Variants in FHIT observed in about 807,000 individuals in gnomAD.
FHIT encodes bis(5'-adenosyl)-triphosphatase.
A neutral mutation model predicts 17.9 loss-of-function variants in FHIT; 19 were observed. The ratio of observed to expected loss-of-function variants is 1.06; its 90% CI spans 0.74 to 1.56. FHIT has a LOEUF of 1.56. Ranked by LOEUF, FHIT falls within the 40% of genes most tolerant of loss-of-function variation. The pLI, the probability that FHIT is intolerant of heterozygous loss-of-function variation, is 0.00. For synonymous variants in FHIT, 81 were observed against 69.7 expected (o/e 1.16, Z -0.81); for missense variants, 248 against 189.2 (o/e 1.31, Z -1.82).
chr3:60,240,585 G>T (rs1052652304), intron 5 of FHIT, among the ~76,000 whole-genome samples: 1 of 152,166 alleles, frequency 6.6e-6, no homozygotes, highest in Non-Finnish European at 1.5e-5. Context: ...CTTTGCCTTG[G>T]TCCAAATATA....
intron 4 of FHIT, among the ~76,000 whole-genome samples, chr3:60,546,145 A>G (rs937937900): frequency 2.6e-5 from 4 of 152,132 alleles, no homozygotes; most frequent in African/African-American, 9.7e-5. Context: ...TCTATCCATT[A>G]AAGAATCTGC....
At chr3:60,289,635 G>C (rs1239683207) in intron 5 of FHIT, among the ~76,000 whole-genome samples, 1 of 152,160 alleles carries the variant, frequency 6.6e-6, no homozygotes, top group East Asian at 1.9e-4. Context: ...TGAGATTCCT[G>C]TGAACTTATT....
intron 2 of FHIT, among the ~76,000 whole-genome samples, chr3:61,194,243 T>A (rs1034379667): frequency 6.6e-6 from 1 of 152,128 alleles, no homozygotes; most frequent in Non-Finnish European, 1.5e-5. Flanking sequence ...ATGACCCACC[T>A]TAGGGAAGAG....
intron 4 of FHIT, among the ~76,000 whole-genome samples, chr3:60,700,156 A>G (rs1553701767): frequency 6.6e-6 from 1 of 151,494 alleles, no homozygotes; most frequent in Non-Finnish European, 1.5e-5. Flanking sequence ...ATACACAGGT[A>G]TGTATGTATG....
chr3:61,070,366 C>T (rs7651235), intron 2 of FHIT, among the ~76,000 whole-genome samples: 15,936 of 152,174 alleles, frequency 0.1, 2,511 homozygotes, highest in African/African-American at 0.34. Flanking sequence ...GGAAATGAAG[C>T]TCAGAGAAGA....
At chr3:60,403,615 G>T (rs1701745087) in intron 5 of FHIT, among the ~76,000 whole-genome samples, 1 of 152,084 alleles carries the variant, frequency 6.6e-6, no homozygotes. Context: ...TAGGTCATTA[G>T]ACCCCCATTC....
intron 5 of FHIT, among the ~76,000 whole-genome samples, chr3:60,170,982 G>C (rs1158586018): frequency 6.6e-6 from 1 of 152,104 alleles, no homozygotes; most frequent in Non-Finnish European, 1.5e-5. Context: ...CAACTTATTG[G>C]GGAGAACTGG....
intron 8 of FHIT, among the ~76,000 whole-genome samples, chr3:59,888,692 C>T (rs937101795): frequency 1.3e-5 from 2 of 152,138 alleles, no homozygotes; most frequent in African/African-American, 4.8e-5. Flanking sequence ...AGTCTCCATA[C>T]CACCAGTGAT....
chr3:60,416,749 G>A (rs188225887), intron 5 of FHIT, among the ~76,000 whole-genome samples: 3 of 152,222 alleles, frequency 2.0e-5, no homozygotes, highest in African/African-American at 7.2e-5. Context: ...ACCTACTCAT[G>A]TGCACAAGGA....
intron 8 of FHIT, among the ~76,000 whole-genome samples, chr3:59,833,409 C>T (rs1331944693): frequency 1.3e-5 from 2 of 152,100 alleles, no homozygotes; most frequent in African/African-American, 4.8e-5. Flanking sequence ...TGGAGTGATG[C>T]AGCTACAAGC....
intron 5 of FHIT, among the ~76,000 whole-genome samples, chr3:60,443,853 A>G (rs537147388): frequency 6.6e-6 from 1 of 152,318 alleles, no homozygotes; most frequent in African/African-American, 2.4e-5. Context: ...GGATCCAATT[A>G]AACTAAAGAG....
intron 3 of FHIT, among the ~76,000 whole-genome samples, chr3:60,921,021 A>C (rs1202541251): frequency 2.6e-5 from 4 of 152,216 alleles, no homozygotes; most frequent in African/African-American, 9.6e-5. Flanking sequence ...TAACTCACTC[A>C]TTCCGTAAGA....
intron 5 of FHIT, among the ~76,000 whole-genome samples, chr3:60,308,916 A>G (rs1005149093): frequency 3.5e-4 from 53 of 152,218 alleles, no homozygotes; most frequent in African/African-American, 1.2e-3. Context: ...ATATACTGTT[A>G]TCCACAGCTG....
chr3:59,815,293 A>AT (rs1700558818), intron 8 of FHIT, among the ~76,000 whole-genome samples: 1 of 152,196 alleles, frequency 6.6e-6, no homozygotes, highest in Non-Finnish European at 1.5e-5. Context: ...AATGTCAACT[A>AT]GTACAACCAC....
intron 8 of FHIT, among the ~76,000 whole-genome samples, chr3:59,759,669 G>A (rs1441460064): frequency 2.6e-5 from 4 of 152,096 alleles, no homozygotes; most frequent in African/African-American, 7.2e-5. Flanking sequence ...CATATTTCAC[G>A]ATTCTGGATG....
At chr3:60,139,085 A>G (rs780637549) in intron 5 of FHIT, among the ~76,000 whole-genome samples, 1 of 152,196 alleles carries the variant, frequency 6.6e-6, no homozygotes, top group Non-Finnish European at 1.5e-5. Context: ...TTCAGTCTCA[A>G]TTCTGTCTTC....
In FHIT at chr3:60,331,279, A is replaced by ATT. The variant is rs201517932; in HGVS notation, c.103+205579_103+205580dup. 2.0e-5 allele frequency among the ~76,000 whole-genome samples: 3 copies of ATT among 151,030 alleles called. No individual in the cohort carries two copies. In the South Asian group the frequency reaches 6.3e-4, roughly 32 times the overall value. ...TTGCACCTCTCAGTGCCCTTTCCTG[A>ATT]TTTTTTTTTCCATTCTTTCCATGGG... On this transcript the variant is annotated intron_variant, in intron 5 of 9. Coordinates refer to ENST00000492590, the MANE Select transcript of FHIT (RefSeq NM_002012.4).
intron 5 of FHIT, among the ~76,000 whole-genome samples, chr3:60,051,444 T>G (rs1361433057): frequency 1.3e-5 from 2 of 151,504 alleles, no homozygotes; most frequent in South Asian, 2.1e-4. Flanking sequence ...GAGGCAGGAT[T>G]TGACTGAGGA....
chr3:60,878,976 A>G (rs1704822745), intron 3 of FHIT, among the ~76,000 whole-genome samples: 1 of 152,204 alleles, frequency 6.6e-6, no homozygotes, highest in African/African-American at 2.4e-5. Flanking sequence ...TTATAGCAGC[A>G]TGATTTATAA....
Sources: allele counts gnomAD v4.1 joint callset (sites outside exome capture counted in the v4.1 genomes callset), GRCh38; gene constraint gnomAD v4.1.1; transcripts MANE v1.5; gene names NCBI Gene and HGNC (gene_info 2026-07-23, HGNC 2026-07-21).